Variants in RHD observed in about 807,000 individuals in gnomAD.
RHD encodes the protein Rh blood group D antigen.
RHD carries 16 observed loss-of-function variants against 45.5 expected under a neutral mutation model. The ratio of observed to expected loss-of-function variants is 0.35; its 90% CI spans 0.24 to 0.53. The LOEUF (loss-of-function observed/expected upper bound fraction) is 0.53, where lower values mean the gene tolerates loss of function less well. Among genes scored for constraint, RHD ranks in the 20% least tolerant of loss-of-function variants. The probability of loss-of-function intolerance (pLI) is 0.92; values close to 1 mark genes in which losing one functional copy is unlikely to be tolerated. For synonymous variants in RHD, 131 were observed against 217.5 expected (o/e 0.60, Z 3.50); for missense variants, 306 against 532.0 (o/e 0.58, Z 4.18).
At chr1:25,322,556 C>T (rs1344661742) in intron 9 of RHD, among the ~76,000 whole-genome samples, 1 of 132,146 alleles carries the variant, frequency 7.6e-6, no homozygotes, top group African/African-American at 2.6e-5. Flanking sequence ...GCCTGTAATC[C>T]CAGTTACTCA....
intron 7 of RHD, among the ~76,000 whole-genome samples, chr1:25,316,513 G>A (rs1406067260): frequency 1.8e-5 from 2 of 113,532 alleles, no homozygotes; most frequent in African/African-American, 5.9e-5. Context: ...CCAGCTACTT[G>A]AGGCACAAGA....
rs1424726535 is a variant in RHD at position 25,320,813 on chromosome 1, G to A, written c.1154-1076G>A. Among the ~76,000 whole-genome samples, 10 of 131,350 alleles carry A rather than the reference G, an allele frequency of 7.6e-5. 2 individuals are homozygous for A. Among genetic ancestry groups the A allele is most frequent in the Admixed American group, 5.2e-4 (7 of 13,404 alleles). The allele number at this position is 131,350 out of a possible 152,430, so 86.2% of individuals were successfully genotyped here. ...TCGCAGCCATTTAGAAGGCAAAGGC[G>A]GGCAGATCACTTGAGCTCAGGTGTT... is the stretch of plus-strand genomic sequence containing the variant. On this transcript the variant is annotated intron_variant, in intron 8 of 9. Coordinates refer to ENST00000328664, the MANE Select transcript of RHD (RefSeq NM_016124.6).
chr1:25,313,530 C>A (rs1338804840), intron 7 of RHD, among the ~76,000 whole-genome samples: 1 of 131,776 alleles, frequency 7.6e-6, no homozygotes, highest in African/African-American at 2.6e-5. Context: ...ATGCTTGGGT[C>A]TTAATTTATA....
Position 25,319,054 on chromosome 1 carries a change from G to A in RHD, c.1153+1975G>A, listed in dbSNP as rs144623110. Among the ~76,000 whole-genome samples, 288 of 132,480 alleles carry A rather than the reference G, an allele frequency of 2.2e-3. 39 individuals are homozygous for A. Among genetic ancestry groups the A allele is most frequent in the African/African-American group, 7.0e-3 (272 of 38,954 alleles). The allele number at this position is 132,480 out of a possible 152,430, so 86.9% of individuals were successfully genotyped here. ...AAAGGCTGCCGGATTTAGCAAAAAT[G>A]CAAGGTGTCTGTTTTTAAATTTGAA... On this transcript the variant is annotated intron_variant, in intron 8 of 9. Coordinates refer to ENST00000328664, the MANE Select transcript of RHD (RefSeq NM_016124.6).
rs1352151948 is a variant in RHD at position 25,277,784 on chromosome 1, C to G, written c.148+5089C>G. ...CCACCTCCCAGGTTCAAGTAATTCT[C>G]CTGCCTCAGCCTCCCGAGTAGCTGG... On this transcript the variant is annotated intron_variant, in intron 1 of 9. Coordinates refer to ENST00000328664, the MANE Select transcript of RHD (RefSeq NM_016124.6). Among the ~76,000 whole-genome samples the G allele has an allele frequency of 1.6e-5, 2 of 121,350 alleles. 1 individual carries two copies. Among genetic ancestry groups the G allele is most frequent in the Non-Finnish European group, 3.9e-5 (2 of 51,390 alleles). 79.6% of individuals were successfully genotyped at this position (121,350 alleles called of 152,430 possible).
In RHD at chr1:25,279,509, C is replaced by T. The variant is rs1237306075; in HGVS notation, c.149-5064C>T. Among the ~76,000 whole-genome samples, 37 of 125,846 alleles carry T rather than the reference C, an allele frequency of 2.9e-4. 7 individuals are homozygous for T. The highest frequency in any genetic ancestry group is 4.8e-4 in the Non-Finnish European group (26 of 54,074). 82.6% of individuals were successfully genotyped at this position (125,846 alleles called of 152,430 possible). A position where few individuals can be genotyped will look rare whatever the true frequency, so the allele number is the denominator to read the frequency against. Reference sequence around the variant, plus strand: ...CTAGGTAGGTAGGGTTTGAATCCTCCTGCTACCATTTACTAGCTCTGTGAC... The same window carrying T: ...CTAGGTAGGTAGGGTTTGAATCCTCTTGCTACCATTTACTAGCTCTGTGAC... On this transcript the variant is annotated intron_variant, in intron 1 of 9. Transcript: ENST00000328664.
rs1412645520 is a variant in RHD at position 25,289,395 on chromosome 1, A to G, written c.336-1246A>G. Among the ~76,000 whole-genome samples the G allele has an allele frequency of 2.3e-5, 3 of 128,642 alleles. 1 individual carries two copies. Among genetic ancestry groups the G allele is most frequent in the Non-Finnish European group, 5.5e-5 (3 of 54,232 alleles). The allele number at this position is 128,642 out of a possible 152,430, so 84.4% of individuals were successfully genotyped here. On this transcript the variant is annotated intron_variant, in intron 2 of 9. Transcript: ENST00000328664. ...TTTTTAGTTGAGACAGAGTTTCACC[A>G]TGTTGGCCAGGCCACTCTTGAACCC...
chr1:25,318,967 G>C lies in RHD; in HGVS notation c.1153+1888G>C, dbSNP rs756858361. On this transcript the variant is annotated intron_variant, in intron 8 of 9. Transcript: ENST00000328664. ...AGAGTCTTTGTGAAGAAGCAGAGGC[G>C]GAGTAGCGTTAATTCCGTAAGTTAA... Among the ~76,000 whole-genome samples the C allele has an allele frequency of 2.3e-5, 3 of 133,060 alleles. 1 individual carries two copies. Among genetic ancestry groups the C allele is most frequent in the Non-Finnish European group, 5.4e-5 (3 of 56,044 alleles). 87.3% of individuals were successfully genotyped at this position (133,060 alleles called of 152,430 possible).
chr1:25,289,137 G>A (rs187753976), intron 2 of RHD, among the ~76,000 whole-genome samples: 114 of 132,010 alleles, frequency 8.6e-4, no homozygotes, highest in African/African-American at 2.9e-3. Flanking sequence ...AATCCTCTAC[G>A]TGACCCTCTG....
At chr1:25,280,454 C>CTG (rs1641384279) in intron 1 of RHD, among the ~76,000 whole-genome samples, 1 of 128,408 alleles carries the variant, frequency 7.8e-6, no homozygotes, top group Non-Finnish European at 1.8e-5. Flanking sequence ...TACAGGCATG[C>CTG]GCCACCATGC....
In RHD at chr1:25,316,374, C is replaced by A. The variant is rs1172735293; in HGVS notation, c.1074-626C>A. 7.0e-5 allele frequency among the ~76,000 whole-genome samples: 9 copies of A among 129,486 alleles called. 1 individual carries two copies. Among genetic ancestry groups the A allele is most frequent in the African/African-American group, 1.3e-4 (5 of 37,518 alleles). 84.9% of individuals were successfully genotyped at this position (129,486 alleles called of 152,430 possible). ...GTGGCTCATGTCTGTAATCCCAGCA[C>A]TTTGGGAGGCCGAGGCGGGCAGATC... On this transcript the variant is annotated intron_variant, in intron 7 of 9. Coordinates refer to ENST00000328664, the MANE Select transcript of RHD (RefSeq NM_016124.6).
rs1474743978 is a variant in RHD, at chr1:25,329,129, A to C, written c.*205A>C. The C allele has an allele frequency of 2.9e-5, 35 of 1,189,076 alleles. 10 individuals carry two copies. In the Admixed American group the frequency reaches 3.0e-4, roughly 10 times the overall value. 73.7% of individuals were successfully genotyped at this position (1,189,076 alleles called of 1,614,324 possible). ...CCATTTATTATGCACTGTAGAATACAACAATAAAATACAGCCATGTACCAC... is the reference window on the plus strand; with the variant it reads ...CCATTTATTATGCACTGTAGAATACCACAATAAAATACAGCCATGTACCAC... On this transcript the variant is annotated 3_prime_UTR_variant, in exon 10 of 10. Coordinates refer to ENST00000328664, the MANE Select transcript of RHD (RefSeq NM_016124.6).
chr1:25,295,862 T>C lies in RHD; in HGVS notation c.486+5071T>C, dbSNP rs1399412533. Among the ~76,000 whole-genome samples the C allele has an allele frequency of 2.0e-4, 21 of 103,256 alleles. 3 individuals carry two copies. The highest frequency in any genetic ancestry group is 4.7e-4 in the Non-Finnish European group (20 of 42,892). The allele number at this position is 103,256 out of a possible 152,430, so 67.7% of individuals were successfully genotyped here. On this transcript the variant is annotated intron_variant, in intron 3 of 9. Coordinates refer to ENST00000328664, the MANE Select transcript of RHD (RefSeq NM_016124.6). ...GGGAATATGGGAAATTTTTTTTTTTTTTTTTTTTTTTTTTTTTGAGATGGA... is the reference window on the plus strand; with the variant it reads ...GGGAATATGGGAAATTTTTTTTTTTCTTTTTTTTTTTTTTTTTGAGATGGA...
chr1:25,285,380 C>T (rs377327836), intron 2 of RHD, among the ~76,000 whole-genome samples: 2 of 134,536 alleles, frequency 1.5e-5, no homozygotes, highest in South Asian at 4.4e-4. Flanking sequence ...GTGATCCGCC[C>T]GCCTCGGCCT....
Position 25,307,084 on chromosome 1 carries a change from C to G in RHD, c.1073+355C>G, listed in dbSNP as rs1356516116. 70 of 326,524 alleles carry G rather than the reference C, an allele frequency of 2.1e-4. 11 individuals carry two copies. The highest frequency in any genetic ancestry group is 1.6e-3 in the Admixed American group (40 of 25,146). The allele number at this position is 326,524 out of a possible 1,614,324, so 20.2% of individuals were successfully genotyped here. On this transcript the variant is annotated intron_variant, in intron 7 of 9. Transcript: ENST00000328664. ...GCTGTGGACGTGCTCCCACTGCGTACTAGCTGGGCATGTGGCTTAACCTTT... is the reference window on the plus strand; with the variant it reads ...GCTGTGGACGTGCTCCCACTGCGTAGTAGCTGGGCATGTGGCTTAACCTTT...
In RHD at chr1:25,289,259, G is replaced by A. The variant is rs113408076; in HGVS notation, c.336-1382G>A. On this transcript the variant is annotated intron_variant, in intron 2 of 9. Transcript: ENST00000328664. ...GCCCAGGCTGGAGTGCAGTGGTGCA[G>A]TCTCGGCCCACTGAAACCTCTGCCT... 2.3e-5 allele frequency among the ~76,000 whole-genome samples: 3 copies of A among 132,416 alleles called. 1 individual carries two copies. The highest frequency in any genetic ancestry group is 3.6e-5 in the Non-Finnish European group (2 of 55,880). The allele number at this position is 132,416 out of a possible 152,430, so 86.9% of individuals were successfully genotyped here. A position where few individuals can be genotyped will look rare whatever the true frequency, so the allele number is the denominator to read the frequency against.
chr1:25,312,627 G>T (rs1644207506), intron 7 of RHD, among the ~76,000 whole-genome samples: 1 of 129,216 alleles, frequency 7.7e-6, no homozygotes, highest in South Asian at 2.4e-4. Flanking sequence ...GCATATACCT[G>T]TAATTCTAGC....
rs532300898 is a variant in RHD at position 25,299,864 on chromosome 1, A to C, written c.487-1082A>C. On this transcript the variant is annotated intron_variant, in intron 3 of 9. Coordinates refer to ENST00000328664, the MANE Select transcript of RHD (RefSeq NM_016124.6). ...TCCCAGGTTCCAGTGAATCTCCTGC[A>C]TCAGCCTCCCAGGTAGATAGGATTA... 5.0e-3 allele frequency among the ~76,000 whole-genome samples: 656 copies of C among 130,910 alleles called. 95 individuals carry two copies. Among genetic ancestry groups the C allele is most frequent in the African/African-American group, 0.016 (603 of 38,044 alleles). The allele number at this position is 130,910 out of a possible 152,430, so 85.9% of individuals were successfully genotyped here. A position where few individuals can be genotyped will look rare whatever the true frequency, so the allele number is the denominator to read the frequency against.
intron 7 of RHD, among the ~76,000 whole-genome samples, chr1:25,312,920 T>TCAAAAAA (rs1482253138): frequency 1.5e-4 from 1 of 6,850 alleles, no homozygotes; most frequent in African/African-American, 3.1e-4. Flanking sequence ...ATCCCATCTC[T>TCAAAAAA]AAAAAAAAAA....
Sources: gnomAD v4.1 joint callset for allele counts (sites outside exome capture counted in the v4.1 genomes callset) on GRCh38, gnomAD v4.1.1 for gene constraint, MANE v1.5 for transcripts, NCBI Gene and HGNC (gene_info 2026-07-23, HGNC 2026-07-21) for gene names.